Variants in HDAC2 observed in about 807,000 individuals in gnomAD.
HDAC2 encodes histone deacetylase 2.
Under a neutral mutation model 68.5 loss-of-function variants are expected in HDAC2, and 5 were observed. The ratio of observed to expected loss-of-function variants is 0.07; its 90% CI spans 0.04 to 0.15. The LOEUF (loss-of-function observed/expected upper bound fraction) is 0.15. HDAC2 is among the 10% of genes least tolerant of loss of function. The pLI is 1.00. For missense variants in HDAC2, 291 were observed against 600.8 expected, an observed-to-expected ratio of 0.48 and a Z score of 5.39; for synonymous variants, 182 against 191.3, an observed-to-expected ratio of 0.95 and a Z score of 0.40.
At chr6:113,944,858 CT>C (rs1776231817) in intron 10 of HDAC2, among the ~76,000 whole-genome samples, 1 of 152,118 alleles carries the variant, frequency 6.6e-6, no homozygotes, top group Non-Finnish European at 1.5e-5. Flanking sequence ...GGCAAGTGAA[CT>C]TATCAAACAT....
At chr6:113,951,550 C>T (rs2114601696) in intron 6 of HDAC2, among the ~76,000 whole-genome samples, 1 of 150,060 alleles carries the variant, frequency 6.7e-6, no homozygotes, top group Admixed American at 6.7e-5. Context: ...TCACAGCAAG[C>T]TCCGCCTCCC....
chr6:113,964,959 A>C (rs2114619510), intron 1 of HDAC2, among the ~76,000 whole-genome samples: 1 of 152,248 alleles, frequency 6.6e-6, no homozygotes, highest in African/African-American at 2.4e-5. Context: ...TGAGGCCCAA[A>C]TCTCTCTTAA....
intron 1 of HDAC2, among the ~76,000 whole-genome samples, chr6:113,962,883 G>A (rs576867784): frequency 7.8e-4 from 116 of 148,650 alleles, no homozygotes; most frequent in Non-Finnish European, 1.3e-3. Context: ...AGAATCACTT[G>A]AACCCAGGAG....
chr6:113,955,020 C>T (rs1776515397), intron 5 of HDAC2, among the ~76,000 whole-genome samples: 1 of 152,154 alleles, frequency 6.6e-6, no homozygotes, highest in Non-Finnish European at 1.5e-5. Context: ...GTTAGACTAA[C>T]TCAATAGGTA....
At chr6:113,956,787 T>A (rs1776563479) in intron 3 of HDAC2, 94 bp from the exon 4 acceptor site, 1 of 856,772 alleles carries the variant, frequency 1.2e-6, no homozygotes, top group Non-Finnish European at 1.9e-6. Flanking sequence ...ACTTTTTTGC[T>A]TGATGCAATC....
chr6:113,941,478 A>G (rs1395676737), intron 13 of HDAC2, among the ~76,000 whole-genome samples: 2 of 152,142 alleles, frequency 1.3e-5, no homozygotes, highest in Non-Finnish European at 2.9e-5. Flanking sequence ...GGTCTCAGAT[A>G]AACTACGTAC....
intron 1 of HDAC2, among the ~76,000 whole-genome samples, chr6:113,967,667 T>C (rs185487705): frequency 6.6e-5 from 10 of 152,286 alleles, no homozygotes; most frequent in African/African-American, 2.2e-4. Context: ...AAACAAAGCA[T>C]AAACATGTCT....
intron 2 of HDAC2, 200 bp downstream of exon 2, chr6:113,959,703 AATG>A (rs1373389527): frequency 2.8e-6 from 1 of 351,118 alleles, no homozygotes; most frequent in African/African-American, 2.1e-5. Context: ...AACTTTTTTA[AATG>A]GTTAAAGGAA....
At chr6:113,943,258 G>C (rs1405079234) in intron 12 of HDAC2, 93 bp downstream of exon 12, 4 of 947,152 alleles carry the variant, frequency 4.2e-6, no homozygotes, top group Non-Finnish European at 6.3e-6. Context: ...CCTGATACCT[G>C]TGCAACTGAC....
At chr6:113,953,193 G>T in intron 6 of HDAC2, 84 bp downstream of exon 6, 1 of 934,158 alleles carries the variant, frequency 1.1e-6, no homozygotes. Flanking sequence ...TATTAACTCA[G>T]GAGAAAAATA....
In HDAC2 at chr6:113,940,978, C is replaced by A; in HGVS notation, c.*80G>T. The A allele has an allele frequency of 2.7e-6, 3 of 1,121,894 alleles. No homozygotes were observed. The highest frequency in any genetic ancestry group is 2.4e-5 in the East Asian group (1 of 41,270). The allele number at this position is 1,121,894 out of a possible 1,614,324, so 69.5% of individuals were successfully genotyped here. On this transcript the variant is annotated 3_prime_UTR_variant, in exon 14 of 14. Coordinates refer to ENST00000519065, the MANE Select transcript of HDAC2 (RefSeq NM_001527.4). ...ATGCCAAAGTAGTATAAAATGAAGC[C>A]AGAAGTCTTCAAAAAGAAAACATTT...
intron 1 of HDAC2, among the ~76,000 whole-genome samples, chr6:113,967,190 A>G (rs534255017): frequency 5.3e-5 from 8 of 151,988 alleles, no homozygotes; most frequent in Admixed American, 6.6e-5. Flanking sequence ...TGCCCATGGC[A>G]CTATCTTGGC....
intron 6 of HDAC2, among the ~76,000 whole-genome samples, chr6:113,950,063 G>A (rs958649878): frequency 1.3e-5 from 2 of 152,134 alleles, no homozygotes; most frequent in Non-Finnish European, 2.9e-5. Context: ...TTACAGGCGT[G>A]AGCTATGGTG....
chr6:113,938,996 A>G lies in HDAC2; in HGVS notation c.*2062T>C, dbSNP rs571963058. The G allele has an allele frequency of 2.6e-5, 4 of 152,364 alleles. No homozygotes were observed. In the East Asian group the frequency reaches 7.7e-4, roughly 29 times the overall value. 9.4% of individuals were successfully genotyped at this position (152,364 alleles called of 1,614,324 possible). ...TTTCAGTATGTTCACACAATGGAAC[A>G]TAATACATAGCAGTCAAAATGAACT... On this transcript the variant is annotated 3_prime_UTR_variant, in exon 14 of 14. Transcript: ENST00000519065.
chr6:113,968,347 T>C (rs1371658698), intron 1 of HDAC2: 2 of 152,206 alleles, frequency 1.3e-5, no homozygotes, highest in Non-Finnish European at 2.9e-5. Context: ...TCACGATTCT[T>C]TGATACAGAA....
intron 8 of HDAC2, 152 bp from the exon 9 acceptor site, chr6:113,946,300 T>C (rs1776262436): frequency 5.1e-6 from 3 of 585,876 alleles, no homozygotes; most frequent in Admixed American, 6.5e-5. Flanking sequence ...AAATGTCAAG[T>C]CTAAAACTCC....
rs1301770051 is a variant in HDAC2 at position 113,939,677 on chromosome 6, T to C, written c.*1381A>G. 6.6e-6 allele frequency: 1 copy of C among 152,086 alleles called. No homozygotes were observed. Among genetic ancestry groups the C allele is most frequent in the Non-Finnish European group, 1.5e-5 (1 of 68,014 alleles). 9.4% of individuals were successfully genotyped at this position (152,086 alleles called of 1,614,324 possible). Reference sequence around the variant, plus strand: ...AATAATCACAATGGTGATTACTTCTTAAGGCTGGGAGGGAGGGAGGATTAC... The same window carrying C: ...AATAATCACAATGGTGATTACTTCTCAAGGCTGGGAGGGAGGGAGGATTAC... On this transcript the variant is annotated 3_prime_UTR_variant, in exon 14 of 14. Coordinates refer to ENST00000519065, the MANE Select transcript of HDAC2 (RefSeq NM_001527.4).
At chr6:113,959,718 A>G in intron 2 of HDAC2, 188 bp downstream of exon 2, 1 of 405,058 alleles carries the variant, frequency 2.5e-6, no homozygotes, top group Non-Finnish European at 4.4e-6. Context: ...TTAAAGGAAA[A>G]GGAAAAAGAG....
chr6:113,953,211 A>C, intron 6 of HDAC2, 66 bp downstream of exon 6: 3 of 1,130,120 alleles, frequency 2.7e-6, no homozygotes, highest in Middle Eastern at 2.0e-4. Flanking sequence ...ATACTACTTC[A>C]AGTATAGGAT....
Sources: allele counts gnomAD v4.1 joint callset (sites outside exome capture counted in the v4.1 genomes callset), GRCh38; gene constraint gnomAD v4.1.1; transcripts MANE v1.5; gene names NCBI Gene and HGNC (gene_info 2026-07-23, HGNC 2026-07-21).